Variants in CHST9 observed in about 807,000 individuals in gnomAD.
CHST9 encodes carbohydrate sulfotransferase 9, also known as GalNAc-4-sulfotransferase 2.
Under a neutral mutation model 44.4 loss-of-function variants are expected in CHST9, and 41 were observed. The observed-to-expected ratio is 0.92, with a 90% CI of 0.72 to 1.20. CHST9 has a LOEUF of 1.20. CHST9 is among the 50% of genes most tolerant of loss of function. The probability of loss-of-function intolerance (pLI) is 0.00; values close to 1 mark genes in which losing one functional copy is unlikely to be tolerated. For missense variants in CHST9, 504 were observed against 516.5 expected (o/e 0.98, Z 0.23); for synonymous variants, 171 against 178.4 (o/e 0.96, Z 0.33).
intron 2 of CHST9, among the ~76,000 whole-genome samples, chr18:27,053,277 A>AAGAAGG (rs2057607017): frequency 7.6e-6 from 1 of 132,310 alleles, no homozygotes; most frequent in African/African-American, 2.8e-5. Flanking sequence ...GGAGAAGGAG[A>AAGAAGG]AGGAGAAGGA....
intron 2 of CHST9, among the ~76,000 whole-genome samples, chr18:27,091,459 C>T (rs138410508): frequency 6.6e-6 from 1 of 151,994 alleles, no homozygotes; most frequent in Non-Finnish European, 1.5e-5. Context: ...CCTGATTGCC[C>T]TGGCCAGAAT....
rs1453403813 is a variant in CHST9, at chr18:26,913,995, A to C, written c.*2264T>G. On this transcript the variant is annotated 3_prime_UTR_variant, in exon 6 of 6. Coordinates refer to ENST00000618847, the MANE Select transcript of CHST9 (RefSeq NM_031422.6). ...GGAACTTGCAACTACACAGGGTGTC[A>C]CTTGGCATCATAGAGCCCATTTAGG... The C allele has an allele frequency of 2.6e-5, 4 of 152,200 alleles. No individual in the cohort carries two copies. The highest frequency in any genetic ancestry group is 5.9e-5 in the Non-Finnish European group (4 of 68,050). The allele number at this position is 152,200 out of a possible 1,614,324, so 9.4% of individuals were successfully genotyped here. A position where few individuals can be genotyped will look rare whatever the true frequency, so the allele number is the denominator to read the frequency against.
At chr18:26,989,422 G>A (rs1297055669) in intron 4 of CHST9, among the ~76,000 whole-genome samples, 1 of 152,124 alleles carries the variant, frequency 6.6e-6, no homozygotes, top group Non-Finnish European at 1.5e-5. Flanking sequence ...GAGAAAGACT[G>A]ACCATACCTG....
At chr18:26,934,258 G>T (rs1186168988) in intron 5 of CHST9, 2 of 148,608 alleles carry the variant, frequency 1.3e-5, no homozygotes, top group Admixed American at 1.4e-4. Context: ...TTTTTGAAAC[G>T]GAGTCTTGCT....
At chr18:27,026,349 C>T (rs1598650279) in intron 3 of CHST9, among the ~76,000 whole-genome samples, 1 of 152,100 alleles carries the variant, frequency 6.6e-6, no homozygotes, top group Non-Finnish European at 1.5e-5. Context: ...AGTCTGGTTC[C>T]TCTTTTTAAC....
intron 2 of CHST9, 90 bp from the exon 3 acceptor site, chr18:27,048,593 A>C: frequency 9.5e-7 from 1 of 1,056,426 alleles, no homozygotes; most frequent in Non-Finnish European, 1.4e-6. Flanking sequence ...GCAATTTCCA[A>C]ACACAACCTC....
intron 3 of CHST9, among the ~76,000 whole-genome samples, chr18:27,038,702 TAA>T (rs999159963): frequency 6.6e-5 from 10 of 152,194 alleles, no homozygotes; most frequent in Non-Finnish European, 1.3e-4. Context: ...TGAAGTAGTG[TAA>T]AGTGTTTTTT....
At chr18:26,925,609 T>A (rs2055751719) in intron 5 of CHST9, among the ~76,000 whole-genome samples, 1 of 152,236 alleles carries the variant, frequency 6.6e-6, no homozygotes, top group African/African-American at 2.4e-5. Flanking sequence ...GATTTTTGAG[T>A]CAGACAGAAC....
At chr18:27,157,614 G>A (rs992548064) in intron 1 of CHST9, among the ~76,000 whole-genome samples, 4 of 152,056 alleles carry the variant, frequency 2.6e-5, no homozygotes, top group East Asian at 1.9e-4. Context: ...GACAAGAAAC[G>A]TATAGGAAGC....
At chr18:27,156,858 T>C (rs551915889) in intron 1 of CHST9, among the ~76,000 whole-genome samples, 1 of 152,240 alleles carries the variant, frequency 6.6e-6, no homozygotes, top group African/African-American at 2.4e-5. Flanking sequence ...ATGCAACAAA[T>C]TATTGTGACA....
chr18:27,171,180 TC>T (rs764165533), intron 1 of CHST9, among the ~76,000 whole-genome samples: 3 of 152,132 alleles, frequency 2.0e-5, no homozygotes, highest in Non-Finnish European at 4.4e-5. Context: ...AGCTGTAGGC[TC>T]CCCGTGTACA....
At chr18:27,060,933 G>A (rs1285441769) in intron 2 of CHST9, among the ~76,000 whole-genome samples, 1 of 152,216 alleles carries the variant, frequency 6.6e-6, no homozygotes, top group African/African-American at 2.4e-5. Context: ...AGCTATAGGT[G>A]AGATGAATTC....
At chr18:27,066,598 A>G (rs1161697293) in intron 2 of CHST9, among the ~76,000 whole-genome samples, 2 of 152,130 alleles carry the variant, frequency 1.3e-5, no homozygotes, top group African/African-American at 4.8e-5. Flanking sequence ...TACTCAGCCA[A>G]TATGATTGTT....
chr18:27,053,335 TA>T lies in CHST9; in HGVS notation c.122-4833del, dbSNP rs200925110. 1.1e-3 allele frequency among the ~76,000 whole-genome samples: 55 copies of T among 48,886 alleles called. 2 individuals carry two copies. Among genetic ancestry groups the T allele is most frequent in the South Asian group, 5.2e-3 (10 of 1,938 alleles). The allele number at this position is 48,886 out of a possible 152,430, so 32.1% of individuals were successfully genotyped here. ...GAGAAGGAGAAGGAGAAGATTTCAT[TA>T]AAAAAAAAAAAGCAATAATTATAGT... On this transcript the variant is annotated intron_variant, in intron 2 of 5. Transcript: ENST00000618847.
intron 4 of CHST9, among the ~76,000 whole-genome samples, chr18:27,010,781 G>T (rs1326636461): frequency 6.6e-6 from 1 of 152,186 alleles, no homozygotes; most frequent in Non-Finnish European, 1.5e-5. Context: ...CTTGATATCT[G>T]ATTGGGAATT....
At chr18:27,135,006 T>A (rs1452534953) in intron 2 of CHST9, among the ~76,000 whole-genome samples, 1 of 152,202 alleles carries the variant, frequency 6.6e-6, no homozygotes, top group Non-Finnish European at 1.5e-5. Flanking sequence ...TATATTATAC[T>A]GTATATTTTC....
chr18:27,067,681 A>G (rs2057796723), intron 2 of CHST9, among the ~76,000 whole-genome samples: 1 of 152,044 alleles, frequency 6.6e-6, no homozygotes, highest in Non-Finnish European at 1.5e-5. Context: ...CAGCTTTTTA[A>G]AAAGGAGTGG....
At chr18:27,024,515 C>T (rs1178941389) in intron 3 of CHST9, among the ~76,000 whole-genome samples, 1 of 152,118 alleles carries the variant, frequency 6.6e-6, no homozygotes, top group Non-Finnish European at 1.5e-5. Flanking sequence ...CATTCCATCC[C>T]ATAACAGATC....
At position 27,040,027 on chromosome 18, in the gene CHST9, G is replaced by C. The variant is rs1164363054; in HGVS notation, c.160+8438C>G. On this transcript the variant is annotated intron_variant, in intron 3 of 5. Coordinates refer to ENST00000618847, the MANE Select transcript of CHST9 (RefSeq NM_031422.6). ...ATTGCATTTCGGGGACTTTTTGGAG[G>C]AGGAAAGGACTATATCTGACTGACA... Among the ~76,000 whole-genome samples, 9 of 152,100 alleles carry C rather than the reference G, an allele frequency of 5.9e-5. No homozygotes were observed. The South Asian group carries it at 1.9e-3, about 32-fold the overall frequency.
Sources: gnomAD v4.1 joint callset for allele counts (sites outside exome capture counted in the v4.1 genomes callset) on GRCh38, gnomAD v4.1.1 for gene constraint, MANE v1.5 for transcripts, NCBI Gene and HGNC (gene_info 2026-07-23, HGNC 2026-07-21) for gene names.